Variants in COL24A1 observed in about 807,000 individuals in gnomAD.
COL24A1 encodes collagen alpha-1(XXIV) chain.
Under a neutral mutation model 253.9 loss-of-function variants are expected in COL24A1, and 224 were observed. The ratio of observed to expected loss-of-function variants is 0.88; its 90% confidence interval spans 0.79 to 0.99. The LOEUF is 0.99. COL24A1 is among the 50% of genes least tolerant of loss of function. COL24A1 has a pLI of 0.00. For synonymous variants in COL24A1, 685 were observed against 673.7 expected, an observed-to-expected ratio of 1.02 and a Z score of -0.26; for missense variants, 2,131 against 2,068.5, an observed-to-expected ratio of 1.03 and a Z score of -0.59.
intron 43 of COL24A1, among the ~76,000 whole-genome samples, chr1:85,835,012 T>C (rs1215277202): frequency 6.6e-6 from 1 of 152,192 alleles, no homozygotes; most frequent in Non-Finnish European, 1.5e-5. Context: ...ATATATGATG[T>C]CCATGGGGGC....
At chr1:86,029,598 T>A (rs1211550574) in intron 14 of COL24A1, among the ~76,000 whole-genome samples, 1 of 147,226 alleles carries the variant, frequency 6.8e-6, no homozygotes, top group African/African-American at 2.5e-5. Flanking sequence ...ACTTATTTAT[T>A]TTTATTTATT....
At chr1:85,834,316 CAGAG>C (rs1675751711) in intron 43 of COL24A1, among the ~76,000 whole-genome samples, 1 of 151,116 alleles carries the variant, frequency 6.6e-6, no homozygotes, top group African/African-American at 2.4e-5. Context: ...GAGAGAGAGA[CAGAG>C]AGAGGGAGAA....
intron 37 of COL24A1, among the ~76,000 whole-genome samples, chr1:85,859,620 G>A (rs1678907919): frequency 6.6e-6 from 1 of 152,128 alleles, no homozygotes; most frequent in Non-Finnish European, 1.5e-5. Context: ...AGGAGGAAGT[G>A]TAAATTTCCA....
At chr1:85,980,539 G>A (rs1305923538) in intron 20 of COL24A1, among the ~76,000 whole-genome samples, 1 of 152,116 alleles carries the variant, frequency 6.6e-6, no homozygotes, top group Non-Finnish European at 1.5e-5. Flanking sequence ...CCAACAACGA[G>A]CAAGCTGAGA....
chr1:85,868,683 T>C, intron 36 of COL24A1, 57 bp from the exon 37 acceptor site: 4 of 1,515,984 alleles, frequency 2.6e-6, no homozygotes, highest in Non-Finnish European at 2.7e-6. Flanking sequence ...ATTATGCCAA[T>C]AATAAACAGG....
At chr1:85,942,096 G>A (rs539719520) in intron 24 of COL24A1, among the ~76,000 whole-genome samples, 4 of 152,230 alleles carry the variant, frequency 2.6e-5, no homozygotes, top group African/African-American at 9.6e-5. Context: ...GATCATATAG[G>A]GAAAAAGATG....
At chr1:86,031,726 T>C in intron 14 of COL24A1, 152 bp downstream of exon 14, 3 of 516,522 alleles carry the variant, frequency 5.8e-6, no homozygotes, top group East Asian at 3.4e-5. Flanking sequence ...TAATTATTCA[T>C]ATCTGGTTGA....
chr1:85,980,486 G>A (rs1392894542), intron 20 of COL24A1, among the ~76,000 whole-genome samples: 1 of 152,116 alleles, frequency 6.6e-6, no homozygotes, highest in African/African-American at 2.4e-5. Context: ...TAAAGTTTCA[G>A]GATACAAAAT....
At chr1:85,909,777 G>A (rs928487216) in intron 26 of COL24A1, among the ~76,000 whole-genome samples, 173 bp downstream of exon 26, 1 of 151,716 alleles carries the variant, frequency 6.6e-6, no homozygotes, top group Non-Finnish European at 1.5e-5. Flanking sequence ...ATGCTTTTGA[G>A]TACCTTAGTA....
At chr1:85,836,086 A>G (rs1675970333) in intron 43 of COL24A1, among the ~76,000 whole-genome samples, 1 of 152,216 alleles carries the variant, frequency 6.6e-6, no homozygotes, top group Non-Finnish European at 1.5e-5. Context: ...TACTAATCTT[A>G]ACCCATACCT....
In COL24A1 at chr1:85,783,574, GAAAC is replaced by G; in HGVS notation, c.4222-20_4222-17del. ...CTTCAGGACCCTAGACATACAATAA[GAAAC>G]AAAAAGATAAAATTTGTAGCTCTAT... On this transcript the variant is annotated splice_polypyrimidine_tract_variant and intron_variant, in intron 50 of 59. Coordinates refer to ENST00000370571, the MANE Select transcript of COL24A1 (RefSeq NM_152890.7). 2 of 1,608,810 alleles carry G rather than the reference GAAAC, an allele frequency of 1.2e-6. No individual in the cohort carries two copies. The highest frequency in any genetic ancestry group is 1.7e-6 in the Non-Finnish European group (2 of 1,176,456).
chr1:86,036,660 G>A (rs1419425406), intron 12 of COL24A1, among the ~76,000 whole-genome samples: 2 of 152,050 alleles, frequency 1.3e-5, no homozygotes, highest in Non-Finnish European at 2.9e-5. Context: ...TGAACTTAAT[G>A]TTTGCAGCCA....
rs138258164 is a variant in COL24A1, at chr1:86,098,465, A to G, written c.1600-6145T>C. ...TGCTTATATGAGGTAGACTCCAAAG[A>G]GCTCAACAGAAGCAGGTGGAAGGCT... On this transcript the variant is annotated intron_variant, in intron 5 of 59. Transcript: ENST00000370571. Among the ~76,000 whole-genome samples, 116 of 152,314 alleles carry G rather than the reference A, an allele frequency of 7.6e-4. 1 individual carries two copies. Among genetic ancestry groups the G allele is most frequent in the African/African-American group, 2.3e-3 (97 of 41,574 alleles).
chr1:86,136,416 G>T (rs1650254412), intron 2 of COL24A1, among the ~76,000 whole-genome samples: 2 of 139,388 alleles, frequency 1.4e-5, no homozygotes, highest in East Asian at 2.0e-4. Context: ...TTGGGGATTT[G>T]CAGATTATAT....
chr1:86,016,395 A>G lies in COL24A1; in HGVS notation c.2310+756T>C, dbSNP rs1253802597. On this transcript the variant is annotated intron_variant, in intron 19 of 59. Transcript: ENST00000370571. The stretch of plus-strand genomic sequence containing the variant: ...TTATTGCTCTAACTTATTTATTCTG[A>G]TGCCAATTATTTTCTCAGCCTTCTG... Among the ~76,000 whole-genome samples, 3 of 152,300 alleles carry G rather than the reference A, an allele frequency of 2.0e-5. No individual in the cohort carries two copies. The East Asian group carries it at 5.8e-4, about 29-fold the overall frequency.
chr1:86,029,023 A>G (rs1446332965), intron 14 of COL24A1, among the ~76,000 whole-genome samples: 1 of 152,074 alleles, frequency 6.6e-6, no homozygotes, highest in East Asian at 1.9e-4. Flanking sequence ...TAGCTAATCA[A>G]CTCCATGCTA....
At chr1:85,886,834 C>T (rs909111045) in intron 32 of COL24A1, among the ~76,000 whole-genome samples, 1 of 151,916 alleles carries the variant, frequency 6.6e-6, no homozygotes, top group African/African-American at 2.4e-5. Flanking sequence ...TTAAATTTTA[C>T]TTAATTTTTT....
In COL24A1 at chr1:85,987,634, C is replaced by A; in HGVS notation, c.2331G>T (p.Gly777=). ...PGPEGFPGDI[G]IPGQNGPEGP... Reference sequence around the variant, plus strand: ...CTTCAGGGCCGTTTTGTCCAGGAATCCCAATATCTCCTGGAAAACCCTAGG... The same window carrying A: ...CTTCAGGGCCGTTTTGTCCAGGAATACCAATATCTCCTGGAAAACCCTAGG... Residue 777 remains glycine, a synonymous_variant, in exon 20 of 60, where the codon GGG becomes GGT. Transcript: ENST00000370571. The A allele has an allele frequency of 2.5e-6, 4 of 1,610,316 alleles. No individual in the cohort carries two copies. In the South Asian group the frequency reaches 4.4e-5, roughly 18 times the overall value.
At chr1:85,854,108 A>C (rs950509249) in intron 37 of COL24A1, among the ~76,000 whole-genome samples, 16 of 152,194 alleles carry the variant, frequency 1.1e-4, no homozygotes, top group African/African-American at 3.6e-4. Context: ...TTTTATATTT[A>C]AGCATTTAAT....
Sources: gnomAD v4.1 joint callset for allele counts (sites outside exome capture counted in the v4.1 genomes callset) on GRCh38, gnomAD v4.1.1 for gene constraint, MANE v1.5 for transcripts, NCBI Gene and HGNC (gene_info 2026-07-23, HGNC 2026-07-21) for gene names.